TNFSF4: variants seen among roughly 807,000 people sequenced by gnomAD.
TNFSF4 encodes the protein tumor necrosis factor ligand superfamily member 4.
Under a neutral mutation model 7.3 loss-of-function variants are expected in TNFSF4, and 4 were observed. The observed-to-expected ratio is 0.55, with a 90% CI of 0.27 to 1.25. The LOEUF (loss-of-function observed/expected upper bound fraction) is 1.25. Among genes scored for constraint, TNFSF4 ranks in the 50% most tolerant of loss-of-function variants. The pLI is 0.12. For missense variants in TNFSF4, 181 were observed against 208.8 expected (o/e 0.87, Z 0.82); for synonymous variants, 76 against 83.7 (o/e 0.91, Z 0.50).
the TNFSF4 span, among the ~76,000 whole-genome samples, chr1:173,379,128 G>A: frequency 0.64 from 97,618 of 151,932 alleles, 31,495 homozygotes; most frequent in Admixed American, 0.7. Context: ...AAAAGAATGC[G>A]GCTTTAGCTG....
chr1:173,379,021 G>C, the TNFSF4 span, among the ~76,000 whole-genome samples: 1 of 151,554 alleles, frequency 6.6e-6, no homozygotes, highest in Admixed American at 6.6e-5. Context: ...AGATGATCCT[G>C]ATAGATATAC....
chr1:173,262,605 T>C, the TNFSF4 span, among the ~76,000 whole-genome samples: 8 of 129,440 alleles, frequency 6.2e-5, no homozygotes, highest in African/African-American at 2.3e-4. Flanking sequence ...ATTCTTTTTT[T>C]TTTTTTTTTT....
chr1:173,173,655 A>G, the TNFSF4 span, among the ~76,000 whole-genome samples: 1 of 152,202 alleles, frequency 6.6e-6, no homozygotes, highest in Non-Finnish European at 1.5e-5. Context: ...CCAACACCAT[A>G]TGTAAGCTGC....
the TNFSF4 span, among the ~76,000 whole-genome samples, chr1:173,309,430 T>C: frequency 6.6e-6 from 1 of 151,932 alleles, no homozygotes; most frequent in Non-Finnish European, 1.5e-5. Context: ...GGATAGATAC[T>C]GAATTTTATC....
At chr1:173,361,020 GAGATGAAGAAAATCATGTGTACT>G in the TNFSF4 span, among the ~76,000 whole-genome samples, 1 of 152,312 alleles carries the variant, frequency 6.6e-6, no homozygotes, top group Non-Finnish European at 1.5e-5. Context: ...GAAAGATAGA[GAGATGAAGAAAATCATGTGTACT>G]AGAACTCATC....
the TNFSF4 span, among the ~76,000 whole-genome samples, chr1:173,220,153 A>G: frequency 6.6e-6 from 1 of 152,178 alleles, no homozygotes; most frequent in Non-Finnish European, 1.5e-5. Context: ...CAACCTTCAA[A>G]TATCGTTCTC....
the TNFSF4 span, among the ~76,000 whole-genome samples, chr1:173,364,834 C>G: frequency 2.0e-5 from 3 of 151,946 alleles, no homozygotes; most frequent in African/African-American, 7.3e-5. Flanking sequence ...CAAGTTTGTA[C>G]AAGTTGCCAT....
chr1:173,230,982 C>A, the TNFSF4 span, among the ~76,000 whole-genome samples: 1 of 152,154 alleles, frequency 6.6e-6, no homozygotes. Flanking sequence ...AAGCCCAGCA[C>A]CAGATGGATT....
chr1:173,204,218 T>C (rs1394439173), intron 1 of TNFSF4, among the ~76,000 whole-genome samples: 1 of 152,218 alleles, frequency 6.6e-6, no homozygotes, highest in Non-Finnish European at 1.5e-5. Context: ...ATCCATTCTA[T>C]GAATATATAA....
the TNFSF4 span, among the ~76,000 whole-genome samples, chr1:173,409,097 T>C: frequency 6.6e-6 from 1 of 152,208 alleles, no homozygotes; most frequent in Admixed American, 6.5e-5. Flanking sequence ...ACTTCTCTGC[T>C]ATTCCTACCA....
the TNFSF4 span, among the ~76,000 whole-genome samples, chr1:173,283,943 A>G: frequency 6.6e-6 from 1 of 151,450 alleles, no homozygotes; most frequent in African/African-American, 2.4e-5. Flanking sequence ...AAAAAAAAAA[A>G]AAAAGTTCTT....
the TNFSF4 span, among the ~76,000 whole-genome samples, chr1:173,378,946 C>G: frequency 5.9e-5 from 9 of 152,044 alleles, no homozygotes; most frequent in African/African-American, 1.9e-4. Context: ...TGGCCCATCC[C>G]GAGTACATGT....
chr1:173,281,524 G>A, the TNFSF4 span, among the ~76,000 whole-genome samples: 1 of 152,148 alleles, frequency 6.6e-6, no homozygotes, highest in Non-Finnish European at 1.5e-5. Flanking sequence ...ATGTATGACT[G>A]CATTTCTCAG....
chr1:173,316,266 T>C, the TNFSF4 span, among the ~76,000 whole-genome samples: 2 of 152,180 alleles, frequency 1.3e-5, no homozygotes, highest in Non-Finnish European at 1.5e-5. Context: ...CTAATAATCA[T>C]CTGACTGTAG....
At chr1:173,263,836 C>A in the TNFSF4 span, among the ~76,000 whole-genome samples, 1 of 152,172 alleles carries the variant, frequency 6.6e-6, no homozygotes, top group Non-Finnish European at 1.5e-5. Context: ...CAGCAGAGGG[C>A]AATTTCCAGA....
chr1:173,358,482 C>T, the TNFSF4 span, among the ~76,000 whole-genome samples: 1 of 152,188 alleles, frequency 6.6e-6, no homozygotes, highest in Non-Finnish European at 1.5e-5. Flanking sequence ...TAAGTTAGTA[C>T]AACCACTTTG....
chr1:173,295,954 G>A, the TNFSF4 span, among the ~76,000 whole-genome samples: 1 of 151,920 alleles, frequency 6.6e-6, no homozygotes, highest in East Asian at 1.9e-4. Flanking sequence ...CTCCTGTTCA[G>A]ACATGTTATA....
chr1:173,309,176 A>G, the TNFSF4 span, among the ~76,000 whole-genome samples: 1 of 151,952 alleles, frequency 6.6e-6, no homozygotes, highest in Admixed American at 6.6e-5. Context: ...AAGAATGACC[A>G]TTTATTTTCT....
chr1:173,324,362 A>C, the TNFSF4 span, among the ~76,000 whole-genome samples: 1 of 152,220 alleles, frequency 6.6e-6, no homozygotes, highest in Non-Finnish European at 1.5e-5. Context: ...TCCTGAAGGA[A>C]GCACTAAACA....
Sources: allele counts gnomAD v4.1 joint callset (sites outside exome capture counted in the v4.1 genomes callset), GRCh38; gene constraint gnomAD v4.1.1; transcripts MANE v1.5; gene names NCBI Gene and HGNC (gene_info 2026-07-23, HGNC 2026-07-21).